NAV2: variants seen among roughly 807,000 people sequenced by gnomAD.
The protein encoded by NAV2 is neuron navigator 2.
Under a neutral mutation model 223.2 loss-of-function variants are expected in NAV2, and 54 were observed. The observed-to-expected ratio is 0.24, with a 90% CI of 0.19 to 0.30. NAV2 has a LOEUF of 0.30. NAV2 is among the 10% of genes least tolerant of loss of function. NAV2 has a pLI of 1.00. For missense variants in NAV2, 2,806 were observed against 3,147.5 expected (o/e 0.89, Z 2.60); for synonymous variants, 1,279 against 1,239.3 (o/e 1.03, Z -0.67).
At chr11:19,388,299 G>GA (rs1849120171) in intron 1 of NAV2, among the ~76,000 whole-genome samples, 1 of 152,180 alleles carries the variant, frequency 6.6e-6, no homozygotes, top group South Asian at 2.1e-4. Context: ...GCTCATCTCT[G>GA]AAAAGACTTT....
intron 36 of NAV2, among the ~76,000 whole-genome samples, chr11:20,114,204 G>A (rs10833247): frequency 0.12 from 18,005 of 152,150 alleles, 1,807 homozygotes; most frequent in African/African-American, 0.28. Flanking sequence ...GTGGTTTGAA[G>A]TCAGTCATGG....
intron 1 of NAV2, among the ~76,000 whole-genome samples, chr11:19,609,830 G>T (rs1478366935): frequency 6.6e-6 from 1 of 152,226 alleles, no homozygotes; most frequent in Non-Finnish European, 1.5e-5. Context: ...GTTGCTCAGT[G>T]GGTCCATATT....
chr11:19,416,435 G>A (rs1439473583), intron 1 of NAV2, among the ~76,000 whole-genome samples: 1 of 152,128 alleles, frequency 6.6e-6, no homozygotes, highest in African/African-American at 2.4e-5. Context: ...ACTGCTCAAG[G>A]AAATAAGAGA....
At chr11:19,893,185 A>G (rs901990357) in intron 6 of NAV2, among the ~76,000 whole-genome samples, 42 of 150,538 alleles carry the variant, frequency 2.8e-4, no homozygotes, top group African/African-American at 1.0e-3. Flanking sequence ...AGTTTTTAGG[A>G]TGGAGAAAAA....
intron 10 of NAV2, chr11:19,979,069 A>G (rs1002064329): frequency 6.6e-6 from 1 of 152,162 alleles, no homozygotes; most frequent in African/African-American, 2.4e-5. Flanking sequence ...CCTTTTGTAA[A>G]AGGCATGTTG....
Position 19,998,784 on chromosome 11 carries a change from G to C in NAV2, c.2768+14537G>C, listed in dbSNP as rs985492090. On this transcript the variant is annotated intron_variant, in intron 11 of 37. Transcript: ENST00000349880. The surrounding 1 kb of genome is among the most constrained non-coding windows in gnomAD (Gnocchi z 5.0). ...CTCAACTCAAACTTCACCACTTAGA[G>C]AGGCTGCTACTGACCACTCAATCTA... Among the ~76,000 whole-genome samples, 2 of 152,160 alleles carry C rather than the reference G, an allele frequency of 1.3e-5. No individual in the cohort carries two copies. The highest frequency in any genetic ancestry group is 1.3e-4 in the Admixed American group (2 of 15,278).
At chr11:19,596,969 G>T (rs1473603119) in intron 1 of NAV2, among the ~76,000 whole-genome samples, 2 of 152,216 alleles carry the variant, frequency 1.3e-5, no homozygotes, top group African/African-American at 4.8e-5. Context: ...TCACCAGGAG[G>T]CTAGAAGGTG....
chr11:19,974,916 C>T (rs1332724772), intron 10 of NAV2, among the ~76,000 whole-genome samples: 1 of 152,192 alleles, frequency 6.6e-6, no homozygotes, highest in African/African-American at 2.4e-5. Flanking sequence ...TCACTAAATA[C>T]ATCTTGCGTG....
In NAV2 at chr11:19,722,795, T is replaced by C. The variant is rs145678051; in HGVS notation, c.267+8833T>C. On this transcript the variant is annotated intron_variant, in intron 1 of 37. Coordinates refer to ENST00000349880, the MANE Select transcript of NAV2 (RefSeq NM_145117.5). ...GATGTGAACTGAGAAGGTCATGTGA[T>C]GGTGGGTGGCCAAGCGTAGGAGACA... Among the ~76,000 whole-genome samples, 1,125 of 152,250 alleles carry C rather than the reference T, an allele frequency of 7.4e-3. 13 individuals are homozygous for C. Among genetic ancestry groups the C allele is most frequent in the African/African-American group, 0.023 (964 of 41,538 alleles).
intron 6 of NAV2, among the ~76,000 whole-genome samples, chr11:19,893,464 A>G (rs1466679858): frequency 6.6e-6 from 1 of 152,146 alleles, no homozygotes; most frequent in African/African-American, 2.4e-5. Context: ...CCTGACGTCC[A>G]GGAAAGCTGC....
chr11:19,823,270 T>C (rs1015303199), intron 1 of NAV2, among the ~76,000 whole-genome samples: 1 of 152,190 alleles, frequency 6.6e-6, no homozygotes, highest in Non-Finnish European at 1.5e-5. Context: ...TGCAATGGCG[T>C]GTTCTTGGCT....
At chr11:19,932,557 G>C (rs2045477789) in intron 6 of NAV2, among the ~76,000 whole-genome samples, 1 of 152,176 alleles carries the variant, frequency 6.6e-6, no homozygotes, top group Non-Finnish European at 1.5e-5. Flanking sequence ...GACCTCAGGT[G>C]ATCTGCCCGC....
At chr11:19,750,229 C>G (rs1565251878) in intron 1 of NAV2, among the ~76,000 whole-genome samples, 1 of 152,208 alleles carries the variant, frequency 6.6e-6, no homozygotes, top group Non-Finnish European at 1.5e-5. Context: ...TCAACAGCTC[C>G]TCTGCATTCT....
intron 37 of NAV2, 135 bp from the exon 38 acceptor site, chr11:20,117,998 A>T (rs185840718): frequency 1.0e-6 from 1 of 957,768 alleles, no homozygotes; most frequent in East Asian, 2.5e-5. Context: ...CCCAAAGTCC[A>T]TGTTCTTGTC....
intron 26 of NAV2, among the ~76,000 whole-genome samples, chr11:20,086,582 C>G (rs1025176973): frequency 3.9e-5 from 6 of 152,108 alleles, no homozygotes; most frequent in Non-Finnish European, 8.8e-5. Context: ...GTCCCCCACC[C>G]CAACCCCAGA....
At chr11:19,584,256 G>A (rs62359594) in intron 1 of NAV2, among the ~76,000 whole-genome samples, 3 of 151,936 alleles carry the variant, frequency 2.0e-5, no homozygotes, top group Admixed American at 6.5e-5. Context: ...GGGTCTATTC[G>A]ATTCTTCTCT....
intron 1 of NAV2, among the ~76,000 whole-genome samples, chr11:19,467,988 G>A (rs750053167): frequency 1.2e-4 from 19 of 152,236 alleles, no homozygotes; most frequent in Non-Finnish European, 1.9e-4. Context: ...TCCAGTGGGA[G>A]GTGGGCATAA....
intron 1 of NAV2, among the ~76,000 whole-genome samples, chr11:19,761,900 G>C (rs2054777492): frequency 2.0e-5 from 3 of 152,188 alleles, no homozygotes; most frequent in African/African-American, 7.2e-5. Flanking sequence ...TCCTTCCCCT[G>C]GTCTACTGAA....
At chr11:19,405,214 T>C (rs1849843885) in intron 1 of NAV2, among the ~76,000 whole-genome samples, 2 of 152,156 alleles carry the variant, frequency 1.3e-5, no homozygotes, top group South Asian at 2.1e-4. Flanking sequence ...CTCTGCCAAG[T>C]GAGTGGGCTC....
Sources: gnomAD v4.1 joint callset for allele counts (sites outside exome capture counted in the v4.1 genomes callset) on GRCh38, gnomAD v4.1.1 for gene constraint, Gnocchi (gnomAD v3.1) non-coding constraint, MANE v1.5 for transcripts, NCBI Gene and HGNC (gene_info 2026-07-23, HGNC 2026-07-21) for gene names.